PCNX3: variants seen among roughly 807,000 people sequenced by gnomAD.
PCNX3 encodes pecanex 3.
In PCNX3, 58 loss-of-function variants were observed where a neutral mutation model predicts 207.2. The observed-to-expected ratio is 0.28, with a 90% CI of 0.23 to 0.35. The LOEUF (loss-of-function observed/expected upper bound fraction) is 0.35. Ranked by LOEUF, PCNX3 falls within the 10% of genes least tolerant of loss-of-function variation. The probability of loss-of-function intolerance (pLI) is 1.00; values close to 1 mark genes in which losing one functional copy is unlikely to be tolerated. For missense variants in PCNX3, 2,410 were observed against 2,774.4 expected, an observed-to-expected ratio of 0.87 and a Z score of 2.95; for synonymous variants, 1,337 against 1,183.5, an observed-to-expected ratio of 1.13 and a Z score of -2.66.
chr11:65,619,158 G>C (rs1000507781), intron 6 of PCNX3, 91 bp downstream of exon 6: 5 of 1,073,134 alleles, frequency 4.7e-6, no homozygotes. Context: ...CCTGGTCAGT[G>C]TCAGCTCAGC....
intron 8 of PCNX3, 33 bp downstream of exon 8, chr11:65,619,965 C>A (rs1854995739): frequency 1.3e-6 from 2 of 1,564,524 alleles, no homozygotes. Context: ...GGCCCAGTGC[C>A]TCCCCGCCTT....
rs551090916 is a variant in PCNX3 at position 65,626,199 on chromosome 11, T to A, written c.3379+145T>A. The stretch of plus-strand genomic sequence containing the variant: ...CCCTTTCTGCTCCCTCCCTGCCCTC[T>A]GTGTCCGTGTTGCCCGGCTGCGCTC... On this transcript the variant is annotated intron_variant, in intron 20 of 34. Transcript: ENST00000355703. 162 of 1,172,348 alleles carry A rather than the reference T, an allele frequency of 1.4e-4. No individual in the cohort carries two copies. In the South Asian group the frequency reaches 1.7e-3, roughly 12 times the overall value. 72.6% of individuals were successfully genotyped at this position (1,172,348 alleles called of 1,614,324 possible).
Position 65,618,661 on chromosome 11 carries a change from C to T in PCNX3, c.1299C>T (p.Ala433=), listed in dbSNP as rs967053060. 4 of 1,613,172 alleles carry T rather than the reference C, an allele frequency of 2.5e-6. No homozygotes were observed. In the African/African-American group the frequency reaches 4.0e-5, roughly 16 times the overall value. ...DTSEGSELSP[A]SSLRSQRRYS... is the part of the protein sequence containing the mutation. ...GTGAGGGCAGTGAACTGAGCCCGGC[C>T]TCCAGTCTCCGATCGCAGCGCCGCT... The change falls in exon 6 of 35, where the codon GCC becomes GCT. Residue 433 remains alanine (A), a synonymous_variant. Coordinates refer to ENST00000355703, the MANE Select transcript of PCNX3 (RefSeq NM_032223.4).
At position 65,617,251 on chromosome 11, in the gene PCNX3, G is replaced by A. The variant is rs1854789281; in HGVS notation, c.343G>A (p.Asp115Asn). Residue 115 changes from aspartate (D) to asparagine (N), a missense_variant and splice_region_variant, in exon 3 of 35, where the codon GAC becomes AAC. Physicochemically the swap from Asp to Asn is conservative, Grantham distance 23. This residue lies in a region of PCNX3 where 1,104 missense variants were observed against 970.3 expected (regional missense o/e 1.14). Coordinates refer to ENST00000355703, the MANE Select transcript of PCNX3 (RefSeq NM_032223.4). ...GCTGCTGCTCTTTTTCACCGCCAGGGACCCCGGAGTGGAGATGACAGTGTT... is the reference window on the plus strand; with the variant it reads ...GCTGCTGCTCTTTTTCACCGCCAGGAACCCCGGAGTGGAGATGACAGTGTT... ...PAQGDSNPPR[D>N]PGVEMTVFRK... is the part of the protein sequence containing the mutation. The A allele has an allele frequency of 6.2e-7, 1 of 1,601,422 alleles. No homozygotes were observed. The highest frequency in any genetic ancestry group is 8.5e-7 in the Non-Finnish European group (1 of 1,174,144).
chr11:65,620,169 C>T (rs956299312), intron 8 of PCNX3, among the ~76,000 whole-genome samples, 170 bp from the exon 9 acceptor site: 5 of 152,330 alleles, frequency 3.3e-5, no homozygotes, highest in Non-Finnish European at 4.4e-5. Context: ...AGGTGACTGC[C>T]GCGCCCAGGC....
rs61741575 is a variant in PCNX3, at chr11:65,623,629, G to A, written c.2496G>A (p.Gln832=). ...FQFCLVIASC[Q]YSLLKSVQPD... ...TCTGCCTGGTCATCGCCTCCTGCCA[G>A]TACTCCTTGCTGAAGGTCAGGCCGG... The change falls in exon 12 of 35, where the codon CAG becomes CAA. Residue 832 remains glutamine, a synonymous_variant. Transcript: ENST00000355703. 4.0e-3 allele frequency: 6,457 copies of A among 1,613,386 alleles called. 14 individuals carry two copies. Among genetic ancestry groups the A allele is most frequent in the Non-Finnish European group, 5.1e-3 (5,993 of 1,179,574 alleles).
At chr11:65,617,087 G>A (rs200621472) in intron 2 of PCNX3, 76 bp downstream of exon 2, 3 of 1,465,592 alleles carry the variant, frequency 2.0e-6, no homozygotes. Flanking sequence ...GTGGAGTAGG[G>A]GCTTAGGGAA....
rs756224011 is a variant in PCNX3, at chr11:65,619,533, G to A, written c.1706-4G>A. On this transcript the variant is annotated splice_polypyrimidine_tract_variant and splice_region_variant and intron_variant, in intron 6 of 34. Transcript: ENST00000355703. ...CTTACACTTGGGGGCCTCTCTCTGG[G>A]CAGCGGCCGAGGAGACTGGCAGGCG... is the stretch of plus-strand genomic sequence containing the variant. The A allele has an allele frequency of 1.2e-6, 2 of 1,611,366 alleles. No individual in the cohort carries two copies. The highest frequency in any genetic ancestry group is 1.7e-6 in the Non-Finnish European group (2 of 1,179,582).
intron 11 of PCNX3, among the ~76,000 whole-genome samples, chr11:65,622,935 G>A (rs1855186391): frequency 6.6e-6 from 1 of 151,450 alleles, no homozygotes; most frequent in African/African-American, 2.4e-5. Context: ...AGCTTCTGTT[G>A]ATTTGAAAAT....
chr11:65,616,077 C>A lies in PCNX3; in HGVS notation c.-235C>A. On this transcript the variant is annotated 5_prime_UTR_variant, in exon 1 of 35. Coordinates refer to ENST00000355703, the MANE Select transcript of PCNX3 (RefSeq NM_032223.4). ...TGGGCCAGGAGTGGGGACCCGGACC[C>A]CGCCCCTGATGCAGCCCCACCCCCG... 1 of 326,480 alleles carries A rather than the reference C, an allele frequency of 3.1e-6. No homozygotes were observed. Among genetic ancestry groups the A allele is most frequent in the Non-Finnish European group, 5.5e-6 (1 of 180,938 alleles). 20.2% of individuals were successfully genotyped at this position (326,480 alleles called of 1,614,324 possible). A position where few individuals can be genotyped will look rare whatever the true frequency, so the allele number is the denominator to read the frequency against.
chr11:65,628,297 C>T (rs1013533461), intron 22 of PCNX3, among the ~76,000 whole-genome samples: 3 of 152,212 alleles, frequency 2.0e-5, no homozygotes, highest in Admixed American at 6.5e-5. Context: ...TCTTCTCTGT[C>T]TTCACTGAAC....
chr11:65,621,682 T>C (rs2135424032), intron 10 of PCNX3, among the ~76,000 whole-genome samples: 1 of 152,340 alleles, frequency 6.6e-6, no homozygotes, highest in East Asian at 1.9e-4. Context: ...CATTTTATCC[T>C]TGGATCCCAG....
chr11:65,628,761 G>A (rs1286367999), intron 23 of PCNX3, 58 bp downstream of exon 23: 6 of 1,602,410 alleles, frequency 3.7e-6, no homozygotes, highest in South Asian at 1.1e-5. Context: ...TGGGGCAGTG[G>A]GGGGTGGTGG....
rs762767645 is a variant in PCNX3 at position 65,636,312 on chromosome 11, G to A, written c.5593+5G>A. On this transcript the variant is annotated splice_donor_5th_base_variant and intron_variant, in intron 33 of 34. Coordinates refer to ENST00000355703, the MANE Select transcript of PCNX3 (RefSeq NM_032223.4). The stretch of plus-strand genomic sequence containing the variant: ...CCACACCTGAGAACACGGCAGGTGA[G>A]CAGGCGAGGCTGGGCTGAACCCGTG... 2 of 1,611,356 alleles carry A rather than the reference G, an allele frequency of 1.2e-6. No individual in the cohort carries two copies. The highest frequency in any genetic ancestry group is 2.2e-5 in the South Asian group (2 of 90,766).
At chr11:65,626,243 C>G in intron 20 of PCNX3, 189 bp downstream of exon 20, 3 of 829,636 alleles carry the variant, frequency 3.6e-6, no homozygotes, top group Non-Finnish European at 4.0e-6. Context: ...CTCTTCTCCT[C>G]GTGCCCTGCT....
intron 13 of PCNX3, 40 bp downstream of exon 13, chr11:65,624,001 C>T (rs781153835): frequency 1.6e-5 from 26 of 1,607,572 alleles, no homozygotes; most frequent in Admixed American, 8.3e-5. Context: ...CAGGAGGCCC[C>T]GGGAGGGGCT....
chr11:65,630,215 T>C (rs909846230), intron 26 of PCNX3, 136 bp from the exon 27 acceptor site: 53 of 1,280,058 alleles, frequency 4.1e-5, no homozygotes, highest in Non-Finnish European at 5.2e-5. Context: ...AATCTTGGCA[T>C]CCAATAAGGT....
At position 65,624,273 on chromosome 11, in the gene PCNX3, C is replaced by G. The variant is rs1488790995; in HGVS notation, c.2623C>G (p.Leu875Val). The change falls in exon 14 of 35, where the codon CTG (leucine) becomes GTG (valine). Residue 875 changes from leucine to valine, a missense_variant. By Grantham distance (32) the Leu-to-Val change is conservative. Coordinates refer to ENST00000355703, the MANE Select transcript of PCNX3 (RefSeq NM_032223.4). ...CCLLIWLLDA[L>V]GSAQPFPPVS... ...TCTGCTCATCTGGCTGCTGGACGCC[C>G]TGGGCTCAGCTCAGCCCTTCCCACC... is the stretch of plus-strand genomic sequence containing the variant. 3.8e-6 allele frequency: 6 copies of G among 1,598,350 alleles called. No homozygotes were observed. The highest frequency in any genetic ancestry group is 5.1e-6 in the Non-Finnish European group (6 of 1,172,340).
Position 65,625,668 on chromosome 11 carries a change from C to G in PCNX3, c.3152C>G (p.Ser1051Cys). 6.2e-7 allele frequency: 1 copy of G among 1,613,078 alleles called. No individual in the cohort carries two copies. The highest frequency in any genetic ancestry group is 8.5e-7 in the Non-Finnish European group (1 of 1,179,782). Residue 1051 changes from serine (S) to cysteine (C), a missense_variant, in exon 19 of 35, where the codon TCC (serine) becomes TGC (cysteine). Ser to Cys is a moderately radical substitution (Grantham distance 112). This residue lies in a region of PCNX3 where 333 missense variants were observed against 386.8 expected (regional missense o/e 0.86). Transcript: ENST00000355703. The surrounding 1 kb of genome is among the most constrained non-coding windows in gnomAD (Gnocchi z 5.6). ...GCCCTGCAGCGTGAGGTCTTGCACTCCGACCTGGTGATGTGTGTGGTGATC... is the reference window on the plus strand; with the variant it reads ...GCCCTGCAGCGTGAGGTCTTGCACTGCGACCTGGTGATGTGTGTGGTGATC... Reference protein sequence around the residue: ...MRQSVREVLHSDLVMCVVIAV... With the variant: ...MRQSVREVLHCDLVMCVVIAV...
Sources: allele counts gnomAD v4.1 joint callset (sites outside exome capture counted in the v4.1 genomes callset), GRCh38; gene constraint gnomAD v4.1.1; regional missense constraint gnomAD v4.1.1; non-coding constraint Gnocchi (gnomAD v3.1); transcripts MANE v1.5; gene names NCBI Gene and HGNC (gene_info 2026-07-23, HGNC 2026-07-21).